PTPRN2: variants seen among roughly 807,000 people sequenced by gnomAD.
PTPRN2 encodes the protein receptor-type tyrosine-protein phosphatase N2.
A neutral mutation model predicts 118.8 loss-of-function variants in PTPRN2; 74 were observed. The observed-to-expected ratio is 0.62, with a 90% CI of 0.52 to 0.76. PTPRN2 has a LOEUF of 0.76. Ranked by LOEUF, PTPRN2 falls within the 30% of genes least tolerant of loss-of-function variation. The probability of loss-of-function intolerance (pLI) is 0.00; values close to 1 mark genes in which losing one functional copy is unlikely to be tolerated. For synonymous variants in PTPRN2, 641 were observed against 608.0 expected (o/e 1.05, Z -0.80); for missense variants, 1,481 against 1,394.4 (o/e 1.06, Z -0.99).
Position 157,990,881 on chromosome 7 carries a change from G to A in PTPRN2, c.1723+90417C>T, listed in dbSNP as rs1804202504. On this transcript the variant is annotated intron_variant, in intron 11 of 22. Coordinates refer to ENST00000389418, the MANE Select transcript of PTPRN2 (RefSeq NM_002847.5). This position sits in a 1 kb window ranked among gnomAD's most constrained non-coding sequence, Gnocchi z 4.3. ...TTACCGAGGAGGACTGGGGAGGGGGGCCGAGTCTCCAGTCAGGCAGAGAGA... is the reference window on the plus strand; with the variant it reads ...TTACCGAGGAGGACTGGGGAGGGGGACCGAGTCTCCAGTCAGGCAGAGAGA... Among the ~76,000 whole-genome samples the A allele has an allele frequency of 1.3e-5, 2 of 152,182 alleles. No individual in the cohort carries two copies. The highest frequency in any genetic ancestry group is 1.3e-4 in the Admixed American group (2 of 15,272).
At chr7:157,760,846 C>T (rs1388628555) in intron 12 of PTPRN2, among the ~76,000 whole-genome samples, 3 of 152,178 alleles carry the variant, frequency 2.0e-5, no homozygotes, top group African/African-American at 7.2e-5. Context: ...ACAATCATGT[C>T]GTCTGCAAAC....
Position 158,150,439 on chromosome 7 carries a change from G to A in PTPRN2, c.911-11924C>T, listed in dbSNP as rs115035153. 4.6e-3 allele frequency among the ~76,000 whole-genome samples: 701 copies of A among 152,244 alleles called. 5 individuals are homozygous for A. The highest frequency in any genetic ancestry group is 0.016 in the African/African-American group (667 of 41,530). On this transcript the variant is annotated intron_variant, in intron 6 of 22. Coordinates refer to ENST00000389418, the MANE Select transcript of PTPRN2 (RefSeq NM_002847.5). Reference sequence around the variant, plus strand: ...CAGCTCGAAAAGTGGCAGCTCTGCCGCCCTGACCTGGCACTGACGCAGCAG... The same window carrying A: ...CAGCTCGAAAAGTGGCAGCTCTGCCACCCTGACCTGGCACTGACGCAGCAG...
At position 157,978,974 on chromosome 7, in the gene PTPRN2, G is replaced by GT. The variant is rs567656093; in HGVS notation, c.1724-80238dup. On this transcript the variant is annotated intron_variant, in intron 11 of 22. Transcript: ENST00000389418. ...TGCCCAGCGGAAGGCCCAGAGGGGG[G>GT]TGGCTCTCTGGAGTTGACTCTGCAG... Among the ~76,000 whole-genome samples the GT allele has an allele frequency of 6.6e-5, 10 of 152,166 alleles. No individual in the cohort carries two copies. In the South Asian group the frequency reaches 2.1e-3, roughly 32 times the overall value.
intron 3 of PTPRN2, among the ~76,000 whole-genome samples, chr7:158,297,014 A>T (rs1325623014): frequency 6.6e-6 from 1 of 152,204 alleles, no homozygotes; most frequent in Non-Finnish European, 1.5e-5. Context: ...CGGGGGCAAC[A>T]TTTGGAATGT....
chr7:158,145,412 C>T (rs1819842744), intron 6 of PTPRN2, among the ~76,000 whole-genome samples: 1 of 152,236 alleles, frequency 6.6e-6, no homozygotes, highest in South Asian at 2.1e-4. Flanking sequence ...CAGCGTGGTA[C>T]AGTGAGCGCC....
At chr7:158,151,479 CCTCT>C (rs370049640) in intron 6 of PTPRN2, among the ~76,000 whole-genome samples, 1,327 of 78,660 alleles carry the variant, frequency 0.017, no homozygotes, top group Non-Finnish European at 0.023. Context: ...TCTATTCCTG[CCTCT>C]CCCTGCCCAC....
chr7:158,571,250 C>T (rs1249859417), intron 1 of PTPRN2, among the ~76,000 whole-genome samples: 4 of 151,590 alleles, frequency 2.6e-5, no homozygotes, highest in African/African-American at 9.7e-5. Context: ...TTTGGGAGGC[C>T]GAGGTGGGTG....
intron 1 of PTPRN2, among the ~76,000 whole-genome samples, chr7:158,527,731 C>T (rs1882248): frequency 0.43 from 65,909 of 151,942 alleles, 15,018 homozygotes; most frequent in South Asian, 0.66. Flanking sequence ...ATTCCCTCAC[C>T]GTGACCTCTG....
intron 2 of PTPRN2, among the ~76,000 whole-genome samples, chr7:158,319,245 T>C (rs1802600871): frequency 6.6e-6 from 1 of 152,210 alleles, no homozygotes; most frequent in African/African-American, 2.4e-5. Flanking sequence ...TGCCTTAGAC[T>C]ATCCCTGTGC....
chr7:157,798,820 TGTGGG>T (rs991987651), intron 12 of PTPRN2, among the ~76,000 whole-genome samples: 1 of 143,036 alleles, frequency 7.0e-6, no homozygotes, highest in Non-Finnish European at 1.5e-5. Flanking sequence ...ATGCTGGTGC[TGTGGG>T]GTGGGGTGGG....
intron 3 of PTPRN2, among the ~76,000 whole-genome samples, chr7:158,225,423 G>A (rs917498421): frequency 7.2e-5 from 11 of 152,024 alleles, no homozygotes; most frequent in African/African-American, 1.7e-4. Context: ...CCACAGCCTC[G>A]CTGAATCTCC....
chr7:158,490,593 C>T (rs1177883507), intron 1 of PTPRN2, among the ~76,000 whole-genome samples: 2 of 152,224 alleles, frequency 1.3e-5, no homozygotes, highest in Non-Finnish European at 2.9e-5. Flanking sequence ...GCGGCTCCCG[C>T]GAGGGCGTGA....
At chr7:158,072,100 A>ATGGAGGTGCTCATGGTGG (rs1217245475) in intron 11 of PTPRN2, among the ~76,000 whole-genome samples, 23 of 118,394 alleles carry the variant, frequency 1.9e-4, no homozygotes, top group Middle Eastern at 6.0e-3. Context: ...TGCTCGTAGT[A>ATGGAGGTGCTCATGGTGG]TGGAGGTGCT....
At position 158,081,297 on chromosome 7, in the gene PTPRN2, C is replaced by A; in HGVS notation, c.1723+1G>T. On this transcript the variant is annotated splice_donor_variant, in intron 11 of 22. Transcript: ENST00000389418. LOFTEE classifies it high-confidence loss of function. Reference sequence around the variant, plus strand: ...GTACGTGTGTGTGGAAACAGCCTCACCTGTGGCCTTCTCCACATCCTCAGT... The same window carrying A: ...GTACGTGTGTGTGGAAACAGCCTCAACTGTGGCCTTCTCCACATCCTCAGT... 1 of 1,613,464 alleles carries A rather than the reference C, an allele frequency of 6.2e-7. No homozygotes were observed. The highest frequency in any genetic ancestry group is 8.5e-7 in the Non-Finnish European group (1 of 1,179,436).
At chr7:158,061,862 A>T (rs1810376083) in intron 11 of PTPRN2, among the ~76,000 whole-genome samples, 1 of 152,274 alleles carries the variant, frequency 6.6e-6, no homozygotes, top group African/African-American at 2.4e-5. Flanking sequence ...GAAGTGCCTA[A>T]TGCCACTTTT....
chr7:158,342,002 C>G (rs1806936615), intron 2 of PTPRN2, among the ~76,000 whole-genome samples: 1 of 148,100 alleles, frequency 6.8e-6, no homozygotes, highest in African/African-American at 2.5e-5. Context: ...GAGGTGACAC[C>G]TGCAGACGTC....
chr7:158,548,483 C>T (rs865813168), intron 1 of PTPRN2, among the ~76,000 whole-genome samples: 117 of 152,350 alleles, frequency 7.7e-4, no homozygotes, highest in African/African-American at 2.8e-3. Context: ...ACCTGCCACT[C>T]CACCGAGCTC....
At position 157,861,006 on chromosome 7, in the gene PTPRN2, C is replaced by T. The variant is rs1462465770; in HGVS notation, c.1788+37667G>A. ...AAGAAGAGGATAAAGAAATGTGGCC[C>T]AGTCCAGGGAGCTGTGGAGAGGTGG... On this transcript the variant is annotated intron_variant, in intron 12 of 22. Coordinates refer to ENST00000389418, the MANE Select transcript of PTPRN2 (RefSeq NM_002847.5). This position sits in a 1 kb window ranked among gnomAD's most constrained non-coding sequence, Gnocchi z 5.8. Among the ~76,000 whole-genome samples the T allele has an allele frequency of 6.6e-6, 1 of 152,228 alleles. No individual in the cohort carries two copies. The highest frequency in any genetic ancestry group is 1.5e-5 in the Non-Finnish European group (1 of 68,050).
intron 1 of PTPRN2, among the ~76,000 whole-genome samples, chr7:158,582,796 CAAAAAAAAAAAAAAA>C (rs1156687117): frequency 2.7e-4 from 12 of 44,296 alleles, no homozygotes; most frequent in Non-Finnish European, 4.2e-4. Context: ...GACTCCATCT[CAAAAAAAAAAAAAAA>C]AAAAAAAAAA....
Sources: allele counts gnomAD v4.1 joint callset (sites outside exome capture counted in the v4.1 genomes callset), GRCh38; gene constraint gnomAD v4.1.1; non-coding constraint Gnocchi (gnomAD v3.1); transcripts MANE v1.5; gene names NCBI Gene and HGNC (gene_info 2026-07-23, HGNC 2026-07-21).